Variants in RABGAP1 observed in about 807,000 individuals in gnomAD.
RABGAP1 encodes the protein rab GTPase-activating protein 1.
A neutral mutation model predicts 137.6 loss-of-function variants in RABGAP1; 23 were observed. The observed-to-expected ratio is 0.17, with a 90% CI of 0.12 to 0.24. RABGAP1 has a LOEUF of 0.24. Ranked by LOEUF, RABGAP1 falls within the 10% of genes least tolerant of loss-of-function variation. The pLI is 1.00. For missense variants in RABGAP1, 906 were observed against 1,275.8 expected (o/e 0.71, Z 4.42); for synonymous variants, 451 against 450.7 (o/e 1.00, Z -0.01).
chr9:122,941,471 C>G (rs1181007313), intron 1 of RABGAP1, among the ~76,000 whole-genome samples: 2 of 152,236 alleles, frequency 1.3e-5, no homozygotes, highest in African/African-American at 4.8e-5. Context: ...GGGAATCCAG[C>G]CGCTCCCCCC....
intron 21 of RABGAP1, among the ~76,000 whole-genome samples, chr9:123,097,139 T>C (rs866166953): frequency 2.0e-4 from 31 of 152,158 alleles, no homozygotes; most frequent in African/African-American, 7.2e-4. Flanking sequence ...GGCAAAAGTA[T>C]ATCATTTTCA....
At chr9:122,943,067 ACTTTC>A in intron 1 of RABGAP1, among the ~76,000 whole-genome samples, 1 of 122,528 alleles carries the variant, frequency 8.2e-6, no homozygotes, top group African/African-American at 3.1e-5. Context: ...GTTGTGGTGC[ACTTTC>A]TTTTTTTTTT....
Position 123,010,353 on chromosome 9 carries a change from G to T in RABGAP1, c.1375-1G>T, listed in dbSNP as rs2030691169. On this transcript the variant is annotated splice_acceptor_variant, in intron 10 of 25. Transcript: ENST00000373647. LOFTEE classifies it high-confidence loss of function. ...ATAAATAATATTTTTTCATCTTCAA[G>T]ATAAAGCAAAGGGAGAGAAAGAATA... The T allele has an allele frequency of 1.2e-6, 2 of 1,602,346 alleles. No homozygotes were observed. Among genetic ancestry groups the T allele is most frequent in the Non-Finnish European group, 1.7e-6 (2 of 1,172,542 alleles).
Position 123,070,281 on chromosome 9 carries a change from C to T in RABGAP1, c.1909-69C>T. 1 of 1,605,312 alleles carries T rather than the reference C, an allele frequency of 6.2e-7. No homozygotes were observed. Among genetic ancestry groups the T allele is most frequent in the Non-Finnish European group, 8.5e-7 (1 of 1,175,904 alleles). ...CCTCCAGGGTTCTGTATTCAAGGTC[C>T]TATAGTGCCACCATGGCCCACAAGT... On this transcript the variant is annotated intron_variant, in intron 14 of 25. Coordinates refer to ENST00000373647, the MANE Select transcript of RABGAP1 (RefSeq NM_012197.4). The surrounding 1 kb of genome is among the most constrained non-coding windows in gnomAD (Gnocchi z 4.4).
At chr9:122,951,573 ATT>A (rs879503107) in intron 1 of RABGAP1, among the ~76,000 whole-genome samples, 3 of 144,046 alleles carry the variant, frequency 2.1e-5, no homozygotes, top group African/African-American at 2.5e-5. Context: ...ATGAATGTGA[ATT>A]TTTTTTTTTT....
At chr9:123,042,471 T>G (rs1461912332) in intron 13 of RABGAP1, among the ~76,000 whole-genome samples, 2 of 152,124 alleles carry the variant, frequency 1.3e-5, no homozygotes, top group Non-Finnish European at 1.5e-5. Flanking sequence ...AAAACCCAAC[T>G]GTAACTAACA....
chr9:123,074,437 C>T lies in RABGAP1; in HGVS notation c.2253+9C>T. 1 of 1,609,028 alleles carries T rather than the reference C, an allele frequency of 6.2e-7. No homozygotes were observed. Among genetic ancestry groups the T allele is most frequent in the Non-Finnish European group, 8.5e-7 (1 of 1,176,560 alleles). ...ACCTGCTTTTATGTGAGGTATGTAT[C>T]AGAGGCCACAGCACTTTGGCTTTTG... On this transcript the variant is annotated intron_variant, in intron 17 of 25. Coordinates refer to ENST00000373647, the MANE Select transcript of RABGAP1 (RefSeq NM_012197.4).
chr9:123,088,429 A>G (rs2034936067), intron 19 of RABGAP1, among the ~76,000 whole-genome samples: 1 of 152,052 alleles, frequency 6.6e-6, no homozygotes, highest in Admixed American at 6.6e-5. Flanking sequence ...TGAACATGTA[A>G]TTTAAAACAA....
chr9:122,943,103 A>ATTTTTTTTTTT (rs1833707287), intron 1 of RABGAP1, among the ~76,000 whole-genome samples: 1 of 86,216 alleles, frequency 1.2e-5, no homozygotes, highest in African/African-American at 6.0e-5. Context: ...TTTTTTTTTG[A>ATTTTTTTTTTT]GACTGAGTTG....
At chr9:123,074,205 T>C in intron 16 of RABGAP1, 80 bp from the exon 17 acceptor site, 1 of 1,555,314 alleles carries the variant, frequency 6.4e-7, no homozygotes, top group African/African-American at 1.4e-5. Flanking sequence ...TTTGGCCTAT[T>C]CCTGGTAGAT....
intron 13 of RABGAP1, among the ~76,000 whole-genome samples, chr9:123,052,834 G>T (rs2033545191): frequency 6.6e-6 from 1 of 152,222 alleles, no homozygotes; most frequent in Admixed American, 6.5e-5. Flanking sequence ...CAGCTACTTG[G>T]GAGGCTGAGG....
chr9:123,022,145 A>G (rs2031680448), intron 13 of RABGAP1, among the ~76,000 whole-genome samples: 1 of 152,132 alleles, frequency 6.6e-6, no homozygotes. Context: ...GTCCTTTGAA[A>G]TGTTTGGTCA....
At chr9:123,084,775 T>G (rs562261507) in intron 19 of RABGAP1, among the ~76,000 whole-genome samples, 18 of 152,310 alleles carry the variant, frequency 1.2e-4, no homozygotes, top group Admixed American at 6.5e-4. Flanking sequence ...TTATATATAT[T>G]TGATGTTTTT....
chr9:123,011,232 A>C (rs1057458689), intron 11 of RABGAP1, among the ~76,000 whole-genome samples: 1 of 152,186 alleles, frequency 6.6e-6, no homozygotes, highest in Non-Finnish European at 1.5e-5. Flanking sequence ...CTCACAGGAA[A>C]TGTTCTGGAA....
At position 123,051,235 on chromosome 9, in the gene RABGAP1, T is replaced by TGG. The variant is rs2033451691; in HGVS notation, c.1795-14113_1795-14112insGG. On this transcript the variant is annotated intron_variant, in intron 13 of 25. Coordinates refer to ENST00000373647, the MANE Select transcript of RABGAP1 (RefSeq NM_012197.4). ...ACCTTGGTTTTTTTTTTTTTTTTTTTTTTTTTTTTTTTTTTTTTTTTTTTT... is the reference window on the plus strand; with the variant it reads ...ACCTTGGTTTTTTTTTTTTTTTTTTTGGTTTTTTTTTTTTTTTTTTTTTTTTT... 4.3e-5 allele frequency among the ~76,000 whole-genome samples: 3 copies of TGG among 69,256 alleles called. 1 individual carries two copies. Among genetic ancestry groups the TGG allele is most frequent in the African/African-American group, 1.7e-4 (3 of 17,892 alleles). The allele number at this position is 69,256 out of a possible 152,430, so 45.4% of individuals were successfully genotyped here. A position where few individuals can be genotyped will look rare whatever the true frequency, so the allele number is the denominator to read the frequency against.
rs759227010 is a variant in RABGAP1 at position 123,101,737 on chromosome 9, C to T, written c.3061C>T (p.Leu1021=). The T allele has an allele frequency of 3.1e-6, 5 of 1,610,436 alleles. No individual in the cohort carries two copies. The South Asian group carries it at 5.5e-5, about 18-fold the overall frequency. Residue 1021 remains leucine, a synonymous_variant, in exon 25 of 26, where the codon CTG becomes TTG. Coordinates refer to ENST00000373647, the MANE Select transcript of RABGAP1 (RefSeq NM_012197.4). Reference sequence around the variant, plus strand: ...AGAACTGGCACAGACCAAACTCCAGCTGGTGGAGGCCGAGTGTAAGATACA... The same window carrying T: ...AGAACTGGCACAGACCAAACTCCAGTTGGTGGAGGCCGAGTGTAAGATACA... ...ELELAQTKLQ[L]VEAECKIQDL... is the part of the protein sequence containing the mutation.
At chr9:123,025,268 C>A (rs1381292838) in intron 13 of RABGAP1, among the ~76,000 whole-genome samples, 1 of 152,138 alleles carries the variant, frequency 6.6e-6, no homozygotes, top group African/African-American at 2.4e-5. Flanking sequence ...ATATTCCTGT[C>A]CCCACACTGT....
chr9:123,084,783 T>C (rs950443508), intron 19 of RABGAP1, among the ~76,000 whole-genome samples: 10 of 152,190 alleles, frequency 6.6e-5, no homozygotes, highest in African/African-American at 2.4e-4. Context: ...ATTTGATGTT[T>C]TTTGATCTTC....
At chr9:123,065,679 A>C in intron 14 of RABGAP1, 1 of 472,776 alleles carries the variant, frequency 2.1e-6, no homozygotes. Flanking sequence ...TTCCCCTTCT[A>C]ATCAGGATTT....
Sources: gnomAD v4.1 joint callset for allele counts (sites outside exome capture counted in the v4.1 genomes callset) on GRCh38, gnomAD v4.1.1 for gene constraint, Gnocchi (gnomAD v3.1) non-coding constraint, MANE v1.5 for transcripts, NCBI Gene and HGNC (gene_info 2026-07-23, HGNC 2026-07-21) for gene names.